PPARGC1B: variants seen among roughly 807,000 people sequenced by gnomAD.
PPARGC1B encodes the protein PPARG coactivator 1 beta, also known as peroxisome proliferator-activated receptor gamma coactivator 1-beta.
In PPARGC1B, 34 loss-of-function variants were observed where a neutral mutation model predicts 101.6. The ratio of observed to expected loss-of-function variants is 0.33; its 90% CI spans 0.25 to 0.45. The LOEUF is 0.45. PPARGC1B is among the 20% of genes least tolerant of loss of function. PPARGC1B has a pLI of 1.00. For synonymous variants in PPARGC1B, 548 were observed against 539.3 expected (o/e 1.02, Z -0.22); for missense variants, 1,234 against 1,317.6 (o/e 0.94, Z 0.98).
At chr5:149,800,918 G>A (rs1179002074) in intron 1 of PPARGC1B, among the ~76,000 whole-genome samples, 3 of 152,356 alleles carry the variant, frequency 2.0e-5, no homozygotes, top group East Asian at 1.9e-4. Context: ...GGCGGCACAC[G>A]CCTCCCTTGG....
intron 1 of PPARGC1B, among the ~76,000 whole-genome samples, chr5:149,757,040 C>T (rs1265782955): frequency 2.6e-5 from 4 of 152,218 alleles, no homozygotes; most frequent in South Asian, 4.1e-4. Context: ...CACAGAGAGG[C>T]GGAAAATACA....
intron 4 of PPARGC1B, among the ~76,000 whole-genome samples, chr5:149,831,135 G>T (rs1189085726): frequency 6.6e-6 from 1 of 152,182 alleles, no homozygotes; most frequent in Non-Finnish European, 1.5e-5. Context: ...TTAGAGCAAG[G>T]ATGAGGAAAG....
intron 1 of PPARGC1B, among the ~76,000 whole-genome samples, chr5:149,737,421 A>G (rs1754759259): frequency 6.6e-6 from 1 of 152,152 alleles, no homozygotes; most frequent in South Asian, 2.1e-4. Flanking sequence ...GCTTAGACTC[A>G]GGCTGCCCTT....
At chr5:149,792,050 A>G (rs1473018477) in intron 1 of PPARGC1B, among the ~76,000 whole-genome samples, 4 of 152,106 alleles carry the variant, frequency 2.6e-5, no homozygotes, top group African/African-American at 7.2e-5. Flanking sequence ...GCAAGGCTTG[A>G]AAGGGCAGGG....
chr5:149,856,500 G>A (rs974020534), downstream of PPARGC1B, among the ~76,000 whole-genome samples: 5 of 152,084 alleles, frequency 3.3e-5, no homozygotes, highest in Admixed American at 6.5e-5. Context: ...GATCCTACCC[G>A]TAGTGCAAGG....
intron 1 of PPARGC1B, among the ~76,000 whole-genome samples, chr5:149,801,424 G>A (rs1463803847): frequency 6.6e-6 from 1 of 152,186 alleles, no homozygotes; most frequent in Non-Finnish European, 1.5e-5. Context: ...TGGGAAGCGT[G>A]TTCCGGGAGA....
chr5:149,753,241 C>G lies in PPARGC1B; in HGVS notation c.78+22821C>G, dbSNP rs142819756. The stretch of plus-strand genomic sequence containing the variant: ...TATTTCGTTGAGACAGAGTCTCGCT[C>G]TGTTGCCCAGGCTGGAGTGCAGTGG... On this transcript the variant is annotated intron_variant, in intron 1 of 11. Coordinates refer to ENST00000309241, the MANE Select transcript of PPARGC1B (RefSeq NM_133263.4). Among the ~76,000 whole-genome samples the G allele has an allele frequency of 5.3e-3, 800 of 152,296 alleles. 9 individuals are homozygous for G. Among genetic ancestry groups the G allele is most frequent in the African/African-American group, 0.018 (760 of 41,560 alleles).
rs910128590 is a variant in PPARGC1B at position 149,730,867 on chromosome 5, A to G, written c.78+447A>G. ...CATGCCCGGGTCTCCGGAGTCCCCTAGTCCTCCAGGCTGTAGTCCCCAGAG... is the reference window on the plus strand; with the variant it reads ...CATGCCCGGGTCTCCGGAGTCCCCTGGTCCTCCAGGCTGTAGTCCCCAGAG... On this transcript the variant is annotated intron_variant, in intron 1 of 11. Transcript: ENST00000309241. This position sits in a 1 kb window ranked among gnomAD's most constrained non-coding sequence, Gnocchi z 4.0. Among the ~76,000 whole-genome samples the G allele has an allele frequency of 4.6e-5, 7 of 152,168 alleles. No individual in the cohort carries two copies. The highest frequency in any genetic ancestry group is 1.7e-4 in the African/African-American group (7 of 41,442).
In PPARGC1B at chr5:149,810,246, T is replaced by A. The variant is rs1205045377; in HGVS notation, c.79-10187T>A. On this transcript the variant is annotated intron_variant, in intron 1 of 11. Coordinates refer to ENST00000309241, the MANE Select transcript of PPARGC1B (RefSeq NM_133263.4). ...ACTGTGAGTGCAGGCAGACACAATG[T>A]GTATATTACCCTGCCTTAAAACACC... 2.6e-5 allele frequency among the ~76,000 whole-genome samples: 4 copies of A among 152,380 alleles called. No individual in the cohort carries two copies. The East Asian group carries it at 5.8e-4, about 22-fold the overall frequency.
Position 149,740,424 on chromosome 5 carries a change from C to T in PPARGC1B, c.78+10004C>T, listed in dbSNP as rs187728513. On this transcript the variant is annotated intron_variant, in intron 1 of 11. Coordinates refer to ENST00000309241, the MANE Select transcript of PPARGC1B (RefSeq NM_133263.4). ...CTGCCATTTGTCTTCCCTCTGAGCT[C>T]CAGGTCCTTGATCTAGTCGAGGCCC... Among the ~76,000 whole-genome samples, 418 of 152,304 alleles carry T rather than the reference C, an allele frequency of 2.7e-3. 6 individuals are homozygous for T. Among genetic ancestry groups the T allele is most frequent in the South Asian group, 0.025 (121 of 4,814 alleles).
chr5:149,750,453 AATAT>A (rs55971526), intron 1 of PPARGC1B, among the ~76,000 whole-genome samples: 2,068 of 123,122 alleles, frequency 0.017, 43 homozygotes, highest in Middle Eastern at 0.065. Context: ...TTTTAGTTAA[AATAT>A]ATATATATAT....
intron 9 of PPARGC1B, among the ~76,000 whole-genome samples, chr5:149,841,372 T>C (rs1759327233): frequency 6.6e-6 from 1 of 152,116 alleles, no homozygotes; most frequent in South Asian, 2.1e-4. Context: ...TGAGCTGAGC[T>C]TGGACATCGT....
At chr5:149,754,929 G>A (rs1029035968) in intron 1 of PPARGC1B, among the ~76,000 whole-genome samples, 6 of 149,844 alleles carry the variant, frequency 4.0e-5, no homozygotes, top group East Asian at 3.9e-4. Flanking sequence ...CTACAGGCAC[G>A]CGCCACCATG....
rs547389278 is a variant in PPARGC1B at position 149,849,134 on chromosome 5, A to T, written c.*1576A>T. 1.3e-5 allele frequency: 2 copies of T among 152,142 alleles called. No homozygotes were observed. Among genetic ancestry groups the T allele is most frequent in the Non-Finnish European group, 2.9e-5 (2 of 68,022 alleles). The allele number at this position is 152,142 out of a possible 1,614,324, so 9.4% of individuals were successfully genotyped here. A position where few individuals can be genotyped will look rare whatever the true frequency, so the allele number is the denominator to read the frequency against. ...TAAGTCCTGCTGCTTTAAAAATTTG[A>T]AAGTGGCTCATTAAACTAAACAGGC... On this transcript the variant is annotated 3_prime_UTR_variant, in exon 12 of 12. Transcript: ENST00000309241.
chr5:149,732,463 A>G (rs1004898058), intron 1 of PPARGC1B, among the ~76,000 whole-genome samples: 4 of 152,184 alleles, frequency 2.6e-5, no homozygotes, highest in African/African-American at 4.8e-5. Context: ...ATAATTAATT[A>G]TTTTGCCCTT....
chr5:149,730,555 T>G lies in PPARGC1B; in HGVS notation c.78+135T>G, dbSNP rs1211638223. The G allele has an allele frequency of 1.6e-6, 1 of 624,058 alleles. No individual in the cohort carries two copies. The highest frequency in any genetic ancestry group is 2.6e-6 in the Non-Finnish European group (1 of 384,956). The allele number at this position is 624,058 out of a possible 1,614,324, so 38.7% of individuals were successfully genotyped here. ...GGGTTCCAGGCTGCAGAGCCCCCCT[T>G]CCAGGCGCCCTGCGATGCGCTCCGT... On this transcript the variant is annotated intron_variant, in intron 1 of 11. Transcript: ENST00000309241. The surrounding 1 kb of genome is among the most constrained non-coding windows in gnomAD (Gnocchi z 4.0).
intron 1 of PPARGC1B, among the ~76,000 whole-genome samples, chr5:149,732,061 TG>T (rs2113050000): frequency 6.6e-6 from 1 of 151,936 alleles, no homozygotes; most frequent in African/African-American, 2.4e-5. Flanking sequence ...TGTGTGTGTG[TG>T]TGTGTGTGTG....
At chr5:149,740,216 G>T (rs1395684689) in intron 1 of PPARGC1B, 1 of 152,236 alleles carries the variant, frequency 6.6e-6, no homozygotes, top group Non-Finnish European at 1.5e-5. Context: ...GCAAAGCCCT[G>T]GGAGCTTGGC....
intron 2 of PPARGC1B, among the ~76,000 whole-genome samples, chr5:149,821,414 T>C (rs1758290249): frequency 6.6e-6 from 1 of 152,232 alleles, no homozygotes. Flanking sequence ...AAGCAAGCTC[T>C]GCATGGATTT....
Sources: allele counts gnomAD v4.1 joint callset (sites outside exome capture counted in the v4.1 genomes callset), GRCh38; gene constraint gnomAD v4.1.1; non-coding constraint Gnocchi (gnomAD v3.1); transcripts MANE v1.5; gene names NCBI Gene and HGNC (gene_info 2026-07-23, HGNC 2026-07-21).